Variants in POLDIP3 observed in about 807,000 individuals in gnomAD.
POLDIP3 encodes the protein DNA polymerase delta interacting protein 3, also known as polymerase delta-interacting protein 3.
In POLDIP3, 14 loss-of-function variants were observed where a neutral mutation model predicts 45.1. That is an observed-to-expected ratio of 0.31 (90% CI 0.20 to 0.49). The LOEUF (loss-of-function observed/expected upper bound fraction) is 0.49, where lower values mean the gene tolerates loss of function less well. Among genes scored for constraint, POLDIP3 ranks in the 20% least tolerant of loss-of-function variants. POLDIP3 has a pLI of 0.99. For missense variants in POLDIP3, 511 were observed against 538.8 expected, an observed-to-expected ratio of 0.95 and a Z score of 0.51; for synonymous variants, 223 against 205.2, an observed-to-expected ratio of 1.09 and a Z score of -0.74.
Position 42,586,340 on chromosome 22 carries a change from G to T in POLDIP3, c.1089-372C>A, listed in dbSNP as rs112638572. Among the ~76,000 whole-genome samples the T allele has an allele frequency of 5.9e-5, 9 of 151,778 alleles. No individual in the cohort carries two copies. The South Asian group carries it at 1.7e-3, about 28-fold the overall frequency. ...GCTGTATGTTCTAGGGTTTTGTGGG[G>T]TTTTTTTGAGACAGAATCTCACTCT... On this transcript the variant is annotated intron_variant, in intron 8 of 8. Transcript: ENST00000252115.
At chr22:42,602,137 C>CA (rs1926430755) in intron 2 of POLDIP3, 81 bp from the exon 3 acceptor site, 1 of 1,600,512 alleles carries the variant, frequency 6.2e-7, no homozygotes, top group African/African-American at 1.3e-5. Context: ...GAACTTGATA[C>CA]ATGGTGGGCA....
chr22:42,610,785 G>T (rs1290325274), intron 1 of POLDIP3, among the ~76,000 whole-genome samples: 1 of 152,060 alleles, frequency 6.6e-6, no homozygotes, highest in Non-Finnish European at 1.5e-5. Context: ...ATATGCCTGT[G>T]GTCCCAGCTA....
chr22:42,612,604 C>T (rs776452571), intron 1 of POLDIP3, among the ~76,000 whole-genome samples: 1 of 152,102 alleles, frequency 6.6e-6, no homozygotes, highest in African/African-American at 2.4e-5. Context: ...CGAGCGGGTT[C>T]GGCCTGAGGT....
intron 7 of POLDIP3, among the ~76,000 whole-genome samples, chr22:42,591,639 T>C (rs974917487): frequency 3.3e-5 from 5 of 152,238 alleles, no homozygotes; most frequent in Non-Finnish European, 5.9e-5. Flanking sequence ...GCCCTAGCAC[T>C]AAACAGATCA....
At chr22:42,590,487 C>A (rs1274760052) in intron 7 of POLDIP3, among the ~76,000 whole-genome samples, 2 of 152,232 alleles carry the variant, frequency 1.3e-5, no homozygotes, top group African/African-American at 2.4e-5. Flanking sequence ...CCCGGCTGTA[C>A]AGCATGTTAC....
At chr22:42,601,279 G>C (rs1601897902) in intron 3 of POLDIP3, among the ~76,000 whole-genome samples, 1 of 151,064 alleles carries the variant, frequency 6.6e-6, no homozygotes, top group African/African-American at 2.4e-5. Flanking sequence ...GGGAGGCTAA[G>C]AGGCGGGAGG....
rs1298548590 is a variant in POLDIP3 at position 42,590,503 on chromosome 22, TGAGTA to T, written c.1021+1447_1021+1451del. ...CCGGCTGTACAGCATGTTACTCTAC[TGAGTA>T]GAGTAGGCAACTGTATTTGTACATC... On this transcript the variant is annotated intron_variant, in intron 7 of 8. Transcript: ENST00000252115. Among the ~76,000 whole-genome samples, 7 of 151,976 alleles carry T rather than the reference TGAGTA, an allele frequency of 4.6e-5. No individual in the cohort carries two copies. The East Asian group carries it at 1.2e-3, about 25-fold the overall frequency.
Position 42,595,518 on chromosome 22 carries a change from G to C in POLDIP3, c.891+19C>G. The C allele has an allele frequency of 6.2e-7, 1 of 1,608,262 alleles. No individual in the cohort carries two copies. Among genetic ancestry groups the C allele is most frequent in the Non-Finnish European group, 8.5e-7 (1 of 1,174,676 alleles). On this transcript the variant is annotated intron_variant, in intron 6 of 8. Coordinates refer to ENST00000252115, the MANE Select transcript of POLDIP3 (RefSeq NM_032311.5). ...GAGGCAGTTTGAGATTTAAATGTTTGGTAGGTCACAGTACTTACAACAATG... is the reference window on the plus strand; with the variant it reads ...GAGGCAGTTTGAGATTTAAATGTTTCGTAGGTCACAGTACTTACAACAATG...
In POLDIP3 at chr22:42,587,523, T is replaced by G. The variant is rs200868057; in HGVS notation, c.1071A>C (p.Ser357=). Residue 357 remains serine, a synonymous_variant, in exon 8 of 9, where the codon TCA becomes TCC. Coordinates refer to ENST00000252115, the MANE Select transcript of POLDIP3 (RefSeq NM_032311.5). ...NLHMNGNVIT[S]DQPILLRLSD... is the part of the protein sequence containing the mutation. ...GAACTCACAGCAGGATGGGCTGGTC[T>G]GAGGTGATAACATTCCCATTCATGT... The G allele has an allele frequency of 7.4e-6, 12 of 1,614,040 alleles. No individual in the cohort carries two copies. The highest frequency in any genetic ancestry group is 1.0e-5 in the Non-Finnish European group (12 of 1,179,992).
In POLDIP3 at chr22:42,588,634, T is replaced by C. The variant is rs566410228; in HGVS notation, c.1022-1062A>G. Reference sequence around the variant, plus strand: ...GTGACACATTTTTCTTTCTTTCTTTTTTTTTTTTTTTGAGATGGAGTTTCG... The same window carrying C: ...GTGACACATTTTTCTTTCTTTCTTTCTTTTTTTTTTTGAGATGGAGTTTCG... On this transcript the variant is annotated intron_variant, in intron 7 of 8. Coordinates refer to ENST00000252115, the MANE Select transcript of POLDIP3 (RefSeq NM_032311.5). Among the ~76,000 whole-genome samples the C allele has an allele frequency of 3.9e-4, 59 of 150,432 alleles. 1 individual carries two copies. The South Asian group carries it at 0.011, about 28-fold the overall frequency.
intron 7 of POLDIP3, among the ~76,000 whole-genome samples, chr22:42,588,371 C>T (rs1000782796): frequency 6.7e-6 from 1 of 149,572 alleles, no homozygotes; most frequent in Non-Finnish European, 1.5e-5. Context: ...AGGAGAATGG[C>T]GTGAACCTGG....
intron 1 of POLDIP3, among the ~76,000 whole-genome samples, 177 bp from the exon 2 acceptor site, chr22:42,603,337 G>A (rs958841710): frequency 1.3e-5 from 2 of 152,186 alleles, no homozygotes; most frequent in Non-Finnish European, 2.9e-5. Flanking sequence ...CTGGTTTCAT[G>A]ATGGCTTTTA....
intron 7 of POLDIP3, among the ~76,000 whole-genome samples, chr22:42,588,931 TGA>T (rs1428438615): frequency 1.3e-5 from 2 of 151,996 alleles, no homozygotes; most frequent in African/African-American, 4.8e-5. Flanking sequence ...TTACAGTTGA[TGA>T]GAGAAAAAGA....
rs748766218 is a variant in POLDIP3 at position 42,585,063 on chromosome 22, A to C, written c.*728T>G. ...GCAAAGACACCCAGAAGGGAAAGAGAGCTGGGGTGGGGCATTCAGCACAAC... is the reference window on the plus strand; with the variant it reads ...GCAAAGACACCCAGAAGGGAAAGAGCGCTGGGGTGGGGCATTCAGCACAAC... On this transcript the variant is annotated 3_prime_UTR_variant, in exon 9 of 9. Transcript: ENST00000252115. 69 of 452,888 alleles carry C rather than the reference A, an allele frequency of 1.5e-4. No individual in the cohort carries two copies. The highest frequency in any genetic ancestry group is 3.0e-4 in the Non-Finnish European group (67 of 225,622). The allele number at this position is 452,888 out of a possible 1,614,324, so 28.1% of individuals were successfully genotyped here.
chr22:42,592,231 T>C, intron 6 of POLDIP3, 147 bp from the exon 7 acceptor site: 5 of 1,193,258 alleles, frequency 4.2e-6, no homozygotes, highest in Non-Finnish European at 5.9e-6. Context: ...CGCGAGGTGG[T>C]GCTCTGGAGA....
chr22:42,599,680 A>G lies in POLDIP3; in HGVS notation c.633+18T>C. ...GCCTGATCAGACACGCAGTGTAAGAAAACATGAAATGCCATACCATGTGGT... is the reference window on the plus strand; with the variant it reads ...GCCTGATCAGACACGCAGTGTAAGAGAACATGAAATGCCATACCATGTGGT... On this transcript the variant is annotated intron_variant, in intron 4 of 8. Transcript: ENST00000252115. The G allele has an allele frequency of 6.4e-7, 1 of 1,560,208 alleles. No individual in the cohort carries two copies. Among genetic ancestry groups the G allele is most frequent in the Non-Finnish European group, 8.8e-7 (1 of 1,131,566 alleles).
intron 1 of POLDIP3, among the ~76,000 whole-genome samples, chr22:42,607,887 G>A (rs536380956): frequency 6.6e-6 from 1 of 151,672 alleles, no homozygotes; most frequent in East Asian, 2.0e-4. Context: ...GCCCCGTCTG[G>A]GAAGTGAGGA....
At chr22:42,591,092 T>A (rs1925640309) in intron 7 of POLDIP3, among the ~76,000 whole-genome samples, 2 of 143,172 alleles carry the variant, frequency 1.4e-5, no homozygotes, top group African/African-American at 2.7e-5. Context: ...AATAAAAAAA[T>A]AATAAAAAAT....
Position 42,599,762 on chromosome 22 carries a change from CCAT to C in POLDIP3, c.566_568del (p.Asp189del). On this transcript the variant is annotated inframe_deletion, in exon 4 of 9. Coordinates refer to ENST00000252115, the MANE Select transcript of POLDIP3 (RefSeq NM_032311.5). ...CTGTTTAGTAGGAACGGAAGCTATA[CCAT>C]CATCATCTTCATCCAGGTCATATAA... The C allele has an allele frequency of 6.2e-7, 1 of 1,611,408 alleles. No individual in the cohort carries two copies. Among genetic ancestry groups the C allele is most frequent in the Non-Finnish European group, 8.5e-7 (1 of 1,177,954 alleles).
Sources: allele counts gnomAD v4.1 joint callset (sites outside exome capture counted in the v4.1 genomes callset), GRCh38; gene constraint gnomAD v4.1.1; transcripts MANE v1.5; gene names NCBI Gene and HGNC (gene_info 2026-07-23, HGNC 2026-07-21).